The following SLC5A6 variants were observed in gnomAD, a reference collection of about 807,000 sequenced individuals.
SLC5A6 encodes sodium-dependent multivitamin transporter.
Under a neutral mutation model 67.9 loss-of-function variants are expected in SLC5A6, and 31 were observed. That is an observed-to-expected ratio of 0.46 (90% CI 0.34 to 0.62). The LOEUF (loss-of-function observed/expected upper bound fraction) is 0.62. Ranked by LOEUF, SLC5A6 falls within the 20% of genes least tolerant of loss-of-function variation. The probability of loss-of-function intolerance (pLI) is 0.01; values close to 1 mark genes in which losing one functional copy is unlikely to be tolerated. For synonymous variants in SLC5A6, 343 were observed against 331.0 expected (o/e 1.04, Z -0.39); for missense variants, 673 against 812.8 (o/e 0.83, Z 2.09).
In SLC5A6 at chr2:27,207,633, G is replaced by A. The variant is rs1410253673; in HGVS notation, c.18C>T (p.Ser6=). The A allele has an allele frequency of 2.5e-6, 4 of 1,613,658 alleles. No individual in the cohort carries two copies. Among genetic ancestry groups the A allele is most frequent in the Non-Finnish European group, 3.4e-6 (4 of 1,179,718 alleles). Reference sequence around the variant, plus strand: ...AGGTTGGGGAAAGAGGGGCTGAGGTGCTCACCCCTACACTCATATCCTCAC... The same window carrying A: ...AGGTTGGGGAAAGAGGGGCTGAGGTACTCACCCCTACACTCATATCCTCAC... MSVGV[S]TSAPLSPTSG... is the part of the protein sequence containing the mutation. Residue 6 remains serine (S), a synonymous_variant, in exon 3 of 17, where the codon AGC becomes AGT. Transcript: ENST00000310574. This position sits in a 1 kb window ranked among gnomAD's most constrained non-coding sequence, Gnocchi z 5.5.
At chr2:27,206,356 C>T in intron 5 of SLC5A6, 127 bp downstream of exon 5, 1 of 894,052 alleles carries the variant, frequency 1.1e-6, no homozygotes, top group South Asian at 1.5e-5. Context: ...ACCCAAGGGC[C>T]CAAGCGGTGA....
intron 16 of SLC5A6, 87 bp downstream of exon 16, chr2:27,200,911 G>T: frequency 4.7e-6 from 4 of 847,588 alleles, no homozygotes; most frequent in South Asian, 1.6e-5. Flanking sequence ...GGGGCAGGGG[G>T]AGAGAAAAGG....
At position 27,206,901 on chromosome 2, in the gene SLC5A6, T is replaced by G. The variant is rs1382994663; in HGVS notation, c.435A>C (p.Gly145=). The G allele has an allele frequency of 1.9e-6, 3 of 1,613,876 alleles. No homozygotes were observed. The South Asian group carries it at 3.3e-5, about 18-fold the overall frequency. The part of the protein sequence containing the change: ...LRFNKTVRVC[G]TVTFIFQMVI... ...CCATCTGAAAGATGAAGGTCACAGTTCCACACACTCGCACAGTTTTATTGA... is the reference window on the plus strand; with the variant it reads ...CCATCTGAAAGATGAAGGTCACAGTGCCACACACTCGCACAGTTTTATTGA... Residue 145 remains glycine, a synonymous_variant, in exon 4 of 17, where the codon GGA becomes GGC. Coordinates refer to ENST00000310574, the MANE Select transcript of SLC5A6 (RefSeq NM_021095.4).
At chr2:27,211,878 G>C (rs1304531562) in intron 1 of SLC5A6, 142 bp downstream of exon 1, 1 of 228,684 alleles carries the variant, frequency 4.4e-6, no homozygotes, top group African/African-American at 2.4e-5. Context: ...TCTCGGCACC[G>C]GCTCACGCTC....
At chr2:27,203,119 T>A (rs1447370345) in intron 11 of SLC5A6, 114 bp downstream of exon 11, 7 of 1,544,226 alleles carry the variant, frequency 4.5e-6, no homozygotes, top group Non-Finnish European at 1.7e-6. Context: ...GTGTGCTTCA[T>A]TAGGCAAGTG....
rs756096049 is a variant in SLC5A6 at position 27,207,584 on chromosome 2, T to C, written c.67A>G (p.Thr23Ala). 8.1e-6 allele frequency: 13 copies of C among 1,614,050 alleles called. No individual in the cohort carries two copies. The highest frequency in any genetic ancestry group is 4.0e-5 in the African/African-American group (3 of 74,912). ...PTSGTSVGMS[T>A]FSIMDYVVFV... ...ACCACATAGTCCATGATGGAGAAGG[T>C]AGACATGCCCACGCTTGTGCCCGAG... Residue 23 changes from threonine (T) to alanine (A), a missense_variant, in exon 3 of 17, where the codon ACC (threonine) becomes GCC (alanine). Thr to Ala is a moderately conservative substitution (Grantham distance 58, BLOSUM62 0). Transcript: ENST00000310574. The surrounding 1 kb of genome is among the most constrained non-coding windows in gnomAD (Gnocchi z 5.5).
At chr2:27,209,017 CAG>C (rs1223625843) in intron 2 of SLC5A6, among the ~76,000 whole-genome samples, 2 of 152,208 alleles carry the variant, frequency 1.3e-5, no homozygotes, top group African/African-American at 4.8e-5. Flanking sequence ...CCACAATCCT[CAG>C]AGAAAGAGGG....
In SLC5A6 at chr2:27,201,469, G is replaced by GTGAGAACAAT; in HGVS notation, c.1545-26_1545-17dup. ...CCCTGTGGGCCTGGGAAGAGCAGAG[G>GTGAGAACAAT]TGAGAACAATTAGCAATTCGTTGGC... On this transcript the variant is annotated splice_polypyrimidine_tract_variant and intron_variant, in intron 14 of 16. Transcript: ENST00000310574. 1 of 1,562,254 alleles carries GTGAGAACAAT rather than the reference G, an allele frequency of 6.4e-7. No homozygotes were observed. Among genetic ancestry groups the GTGAGAACAAT allele is most frequent in the Non-Finnish European group, 8.8e-7 (1 of 1,132,788 alleles).
At chr2:27,212,440 C>G, upstream of SLC5A6, 3 of 1,561,320 alleles carry the variant, frequency 1.9e-6, no homozygotes, top group Middle Eastern at 5.0e-4. Context: ...TCGCTCTGGG[C>G]GTGGAAAGGG....
At position 27,207,640 on chromosome 2, in the gene SLC5A6, C is replaced by G; in HGVS notation, c.11G>C (p.Gly4Ala). 6.2e-7 allele frequency: 1 copy of G among 1,612,846 alleles called. No homozygotes were observed. Among genetic ancestry groups the G allele is most frequent in the African/African-American group, 1.3e-5 (1 of 75,052 alleles). The change falls in exon 3 of 17, where the codon GGG (glycine) becomes GCG (alanine). Residue 4 changes from glycine (G) to alanine (A), a missense_variant. Coordinates refer to ENST00000310574, the MANE Select transcript of SLC5A6 (RefSeq NM_021095.4). The surrounding 1 kb of genome is among the most constrained non-coding windows in gnomAD (Gnocchi z 5.5). ...GGAAAGAGGGGCTGAGGTGCTCACC[C>G]CTACACTCATATCCTCACTGTGTCT... is the stretch of plus-strand genomic sequence containing the variant. MSV[G>A]VSTSAPLSPT...
At chr2:27,203,692 A>G (rs1378389121) in intron 10 of SLC5A6, 87 bp downstream of exon 10, 8 of 981,624 alleles carry the variant, frequency 8.1e-6, no homozygotes, top group Non-Finnish European at 9.8e-6. Context: ...GGGATTCCCC[A>G]CCCACTATCA....
chr2:27,200,796 A>T (rs1389966884), intron 16 of SLC5A6, among the ~76,000 whole-genome samples: 1 of 152,196 alleles, frequency 6.6e-6, no homozygotes, highest in Non-Finnish European at 1.5e-5. Flanking sequence ...AGCTCCTCTG[A>T]GCCCTGAGAT....
At chr2:27,206,558 A>G in intron 4 of SLC5A6, 24 bp from the exon 5 acceptor site, 1 of 1,610,088 alleles carries the variant, frequency 6.2e-7, no homozygotes, top group Non-Finnish European at 8.5e-7. Context: ...AAAAAATGTG[A>G]TGGGGGCCGG....
intron 7 of SLC5A6, 85 bp from the exon 8 acceptor site, chr2:27,205,016 G>C: frequency 6.5e-7 from 1 of 1,529,868 alleles, no homozygotes; most frequent in African/African-American, 1.4e-5. Context: ...CAGTGGACAG[G>C]AAAGGAGAGA....
At chr2:27,212,376 C>T, upstream of SLC5A6, 3 of 1,550,556 alleles carry the variant, frequency 1.9e-6, no homozygotes, top group Non-Finnish European at 2.6e-6. Flanking sequence ...AAAATGGCGC[C>T]TCACGACCCG....
rs1674177120 is a variant in SLC5A6, at chr2:27,207,676, GCCAGTTGCTGCT to G, written c.-38_-27del. ...ATCCTCACTGTGTCTGTGATCTGCA[GCCAGTTGCTGCT>G]CCAGGGCTCTGGGGTAGGGCAGGGG... On this transcript the variant is annotated 5_prime_UTR_variant, in exon 3 of 17. Coordinates refer to ENST00000310574, the MANE Select transcript of SLC5A6 (RefSeq NM_021095.4). The surrounding 1 kb of genome is among the most constrained non-coding windows in gnomAD (Gnocchi z 5.5). The G allele has an allele frequency of 6.3e-7, 1 of 1,589,324 alleles. No homozygotes were observed. The highest frequency in any genetic ancestry group is 1.7e-5 in the Admixed American group (1 of 59,006).
chr2:27,206,230 G>C, intron 5 of SLC5A6, 137 bp from the exon 6 acceptor site: 1 of 806,746 alleles, frequency 1.2e-6, no homozygotes. Context: ...CCACAACGGA[G>C]AAAAATGTTT....
At chr2:27,201,948 T>G (rs1673674814) in intron 13 of SLC5A6, 40 bp downstream of exon 13, 1 of 1,607,968 alleles carries the variant, frequency 6.2e-7, no homozygotes, top group Non-Finnish European at 8.5e-7. Flanking sequence ...CCCAGGTCCA[T>G]CCTGCTACAC....
Position 27,200,235 on chromosome 2 carries a change from C to G in SLC5A6, c.*201G>C. The G allele has an allele frequency of 4.1e-6, 2 of 487,686 alleles. No homozygotes were observed. 30.2% of individuals were successfully genotyped at this position (487,686 alleles called of 1,614,324 possible). A position where few individuals can be genotyped will look rare whatever the true frequency, so the allele number is the denominator to read the frequency against. ...CTTTAAAAAACAGATTGGCAAGCGA[C>G]GAGAAAAACGGTGCCTCACATGCTT... On this transcript the variant is annotated 3_prime_UTR_variant, in exon 17 of 17. Coordinates refer to ENST00000310574, the MANE Select transcript of SLC5A6 (RefSeq NM_021095.4).
Sources: gnomAD v4.1 joint callset for allele counts (sites outside exome capture counted in the v4.1 genomes callset) on GRCh38, gnomAD v4.1.1 for gene constraint, Gnocchi (gnomAD v3.1) non-coding constraint, MANE v1.5 for transcripts, NCBI Gene and HGNC (gene_info 2026-07-23, HGNC 2026-07-21) for gene names.